Variants in DOCK10 observed in about 807,000 individuals in gnomAD.
DOCK10 encodes the protein dedicator of cytokinesis protein 10.
In DOCK10, 145 loss-of-function variants were observed where a neutral mutation model predicts 280.1. The observed-to-expected ratio is 0.52, with a 90% CI of 0.45 to 0.59. The LOEUF is 0.59. Ranked by LOEUF, DOCK10 falls within the 20% of genes least tolerant of loss-of-function variation. The pLI is 0.00. For synonymous variants in DOCK10, 915 were observed against 942.2 expected (o/e 0.97, Z 0.53); for missense variants, 2,368 against 2,651.7 (o/e 0.89, Z 2.35).
intron 50 of DOCK10, among the ~76,000 whole-genome samples, chr2:224,778,706 A>G (rs1048928497): frequency 6.6e-6 from 1 of 152,210 alleles, no homozygotes; most frequent in Non-Finnish European, 1.5e-5. Flanking sequence ...AGTCTTTGAA[A>G]CTAACATAAG....
At chr2:224,919,715 T>C (rs1225956623) in intron 2 of DOCK10, among the ~76,000 whole-genome samples, 7 of 152,046 alleles carry the variant, frequency 4.6e-5, no homozygotes, top group African/African-American at 1.5e-4. Context: ...TGAGTGTGTG[T>C]GCATGTGCAC....
intron 28 of DOCK10, among the ~76,000 whole-genome samples, chr2:224,821,906 A>G (rs1412267584): frequency 6.6e-6 from 1 of 152,212 alleles, no homozygotes; most frequent in Non-Finnish European, 1.5e-5. Flanking sequence ...GGAAGCAAGA[A>G]AAAAGTAAAA....
At chr2:224,919,566 G>A (rs1701571935) in intron 2 of DOCK10, among the ~76,000 whole-genome samples, 1 of 151,326 alleles carries the variant, frequency 6.6e-6, no homozygotes, top group African/African-American at 2.4e-5. Context: ...GAGTGTGTCT[G>A]CATGTGTATG....
At chr2:224,980,256 T>C (rs1453484726) in intron 1 of DOCK10, among the ~76,000 whole-genome samples, 9 of 152,180 alleles carry the variant, frequency 5.9e-5, no homozygotes, top group Non-Finnish European at 1.3e-4. Flanking sequence ...AACAGAGTCT[T>C]TGGGGTCAAG....
intron 1 of DOCK10, among the ~76,000 whole-genome samples, chr2:224,945,682 T>C: frequency 6.6e-6 from 1 of 151,918 alleles, no homozygotes; most frequent in East Asian, 1.9e-4. Flanking sequence ...TGTGTGCATA[T>C]ATATATATAT....
chr2:224,906,719 T>A (rs760927768), intron 3 of DOCK10, among the ~76,000 whole-genome samples: 3 of 152,226 alleles, frequency 2.0e-5, no homozygotes, highest in Non-Finnish European at 2.9e-5. Context: ...GACCTGGTGA[T>A]CCGCCCGCCT....
chr2:224,907,610 C>T (rs563429379), intron 3 of DOCK10, among the ~76,000 whole-genome samples: 1 of 150,818 alleles, frequency 6.6e-6, no homozygotes, highest in East Asian at 1.9e-4. Context: ...ATGGTGTGAA[C>T]CAGGGAGGCG....
intron 1 of DOCK10, among the ~76,000 whole-genome samples, chr2:224,934,539 C>G (rs572654099): frequency 1.3e-5 from 2 of 152,222 alleles, no homozygotes; most frequent in Non-Finnish European, 2.9e-5. Flanking sequence ...CTTTACACAT[C>G]TGTGATGGCG....
chr2:224,806,805 T>G (rs545373008), intron 33 of DOCK10, among the ~76,000 whole-genome samples: 1 of 152,204 alleles, frequency 6.6e-6, no homozygotes, highest in African/African-American at 2.4e-5. Context: ...AGGTGGGGTC[T>G]TGCTATGTTG....
At chr2:224,776,170 A>AT (rs1574796053) in intron 51 of DOCK10, among the ~76,000 whole-genome samples, 1 of 152,146 alleles carries the variant, frequency 6.6e-6, no homozygotes, top group African/African-American at 2.4e-5. Flanking sequence ...ACCTCAAAGA[A>AT]TTTTAAAACT....
intron 4 of DOCK10, among the ~76,000 whole-genome samples, chr2:224,894,187 C>A (rs1699856362): frequency 6.6e-6 from 1 of 152,106 alleles, no homozygotes; most frequent in Admixed American, 6.5e-5. Flanking sequence ...TGAGATTAAT[C>A]TTGCAAACTA....
chr2:224,826,292 G>T (rs963728284), intron 27 of DOCK10, among the ~76,000 whole-genome samples: 1 of 152,098 alleles, frequency 6.6e-6, no homozygotes, highest in African/African-American at 2.4e-5. Flanking sequence ...TTGAACTCCT[G>T]ACCTCAGGTG....
intron 1 of DOCK10, among the ~76,000 whole-genome samples, chr2:225,010,078 A>G (rs1689391725): frequency 6.6e-6 from 1 of 152,180 alleles, no homozygotes; most frequent in Non-Finnish European, 1.5e-5. Context: ...ATCTGCAGTC[A>G]GCTGCAGGTC....
At position 224,876,054 on chromosome 2, in the gene DOCK10, G is replaced by A. The variant is rs548116857; in HGVS notation, c.915C>T (p.Leu305=). Residue 305 remains leucine (L), a synonymous_variant, in exon 8 of 56, where the codon CTC becomes CTT. Transcript: ENST00000258390. ...TGCTCTCACCCAGACCCAGATCAGT[G>A]AGCTCTGTGCTCCTCCTCCCTTGGA... ...GPLQGRRSTE[L]TDLGLDSLDN... 1 of 1,613,188 alleles carries A rather than the reference G, an allele frequency of 6.2e-7. No individual in the cohort carries two copies. Among genetic ancestry groups the A allele is most frequent in the African/African-American group, 1.3e-5 (1 of 74,990 alleles).
chr2:224,993,202 G>GTTTTTTTTTTT (rs112976099), intron 1 of DOCK10, among the ~76,000 whole-genome samples: 4,976 of 135,442 alleles, frequency 0.037, 129 homozygotes, highest in Middle Eastern at 0.063. Flanking sequence ...TTCTTTGGAA[G>GTTTTTTTTTTT]TTTTTTTTTT....
intron 4 of DOCK10, 35 bp downstream of exon 4, chr2:224,896,260 G>A: frequency 7.8e-7 from 1 of 1,274,696 alleles, no homozygotes; most frequent in Non-Finnish European, 1.1e-6. Flanking sequence ...TCTATATTTG[G>A]AAAAGACCAA....
Position 224,809,989 on chromosome 2 carries a change from C to CAAA in DOCK10, c.3410-1906_3410-1904dup, listed in dbSNP as rs376029378. 3.1e-3 allele frequency among the ~76,000 whole-genome samples: 360 copies of CAAA among 115,284 alleles called. 3 individuals carry two copies. Among genetic ancestry groups the CAAA allele is most frequent in the African/African-American group, 1.0e-2 (308 of 30,950 alleles). The allele number at this position is 115,284 out of a possible 152,430, so 75.6% of individuals were successfully genotyped here. A position where few individuals can be genotyped will look rare whatever the true frequency, so the allele number is the denominator to read the frequency against. ...CATACGATGGAGTATTATTCAGCCT[C>CAAA]AAAAAAAAAAAAAAAAAAAGAAATC... is the stretch of plus-strand genomic sequence containing the variant. On this transcript the variant is annotated intron_variant, in intron 31 of 55. Transcript: ENST00000258390.
chr2:224,818,150 T>C (rs922362376), intron 29 of DOCK10, among the ~76,000 whole-genome samples: 1 of 152,156 alleles, frequency 6.6e-6, no homozygotes, highest in African/African-American at 2.4e-5. Context: ...GGTTCTTCAT[T>C]TGCAATTACT....
At chr2:225,037,821 C>T (rs968881091) in intron 1 of DOCK10, among the ~76,000 whole-genome samples, 6 of 152,162 alleles carry the variant, frequency 3.9e-5, no homozygotes, top group Non-Finnish European at 8.8e-5. Flanking sequence ...ATTCTTTCAG[C>T]CTTTGATCCT....
Sources: allele counts gnomAD v4.1 joint callset (sites outside exome capture counted in the v4.1 genomes callset), GRCh38; gene constraint gnomAD v4.1.1; transcripts MANE v1.5; gene names NCBI Gene and HGNC (gene_info 2026-07-23, HGNC 2026-07-21).